POC1A: variants seen among roughly 807,000 people sequenced by gnomAD.
POC1A encodes POC1 centriolar protein A, also known as POC1 centriolar protein homolog A.
Under a neutral mutation model 47.8 loss-of-function variants are expected in POC1A, and 34 were observed. The ratio of observed to expected loss-of-function variants is 0.71; its 90% CI spans 0.54 to 0.95. The LOEUF is 0.95. Ranked by LOEUF, POC1A falls within the 40% of genes least tolerant of loss-of-function variation. POC1A has a pLI of 0.00. For missense variants in POC1A, 466 were observed against 528.3 expected (o/e 0.88, Z 1.16); for synonymous variants, 177 against 207.6 (o/e 0.85, Z 1.27).
At chr3:52,078,731 C>A (rs531337553) in intron 10 of POC1A, among the ~76,000 whole-genome samples, 1 of 152,266 alleles carries the variant, frequency 6.6e-6, no homozygotes, top group South Asian at 2.1e-4. Context: ...GATCTCCTGA[C>A]CTCGTGATCC....
chr3:52,113,720 AAAAAACAAAAC>A (rs1002433649), intron 9 of POC1A, among the ~76,000 whole-genome samples: 4 of 152,216 alleles, frequency 2.6e-5, no homozygotes, highest in African/African-American at 9.7e-5. Context: ...AAAACAAACA[AAAAAACAAAAC>A]AAAAACAAAA....
At chr3:52,114,906 G>A (rs372426392) in intron 9 of POC1A, among the ~76,000 whole-genome samples, 6 of 152,296 alleles carry the variant, frequency 3.9e-5, no homozygotes, top group African/African-American at 1.2e-4. Context: ...CATTCACACC[G>A]ATAAAAAGGA....
chr3:52,090,382 C>T lies in POC1A; in HGVS notation c.1125+6187G>A, dbSNP rs1007998265. ...CTTCTGAGGCAAAACCACCAAGCCG[C>T]GTGTTGGGCCTATGCCGGGCCCCCT... On this transcript the variant is annotated intron_variant, in intron 10 of 10. Transcript: ENST00000296484. This position sits in a 1 kb window ranked among gnomAD's most constrained non-coding sequence, Gnocchi z 4.2. 6.6e-6 allele frequency among the ~76,000 whole-genome samples: 1 copy of T among 152,246 alleles called. No homozygotes were observed. Among genetic ancestry groups the T allele is most frequent in the Non-Finnish European group, 1.5e-5 (1 of 68,046 alleles).
chr3:52,093,978 G>A (rs905575705), intron 10 of POC1A, among the ~76,000 whole-genome samples: 5 of 152,158 alleles, frequency 3.3e-5, no homozygotes, highest in Admixed American at 1.3e-4. Flanking sequence ...GCTACGGCCC[G>A]CTGCATCCCC....
chr3:52,109,024 C>G (rs920096777), intron 9 of POC1A, among the ~76,000 whole-genome samples: 1 of 152,140 alleles, frequency 6.6e-6, no homozygotes, highest in East Asian at 1.9e-4. Context: ...GTGGTGTGAG[C>G]CCAGACGCGC....
At chr3:52,133,096 G>A (rs1704295936) in intron 7 of POC1A, among the ~76,000 whole-genome samples, 1 of 152,128 alleles carries the variant, frequency 6.6e-6, no homozygotes, top group African/African-American at 2.4e-5. Context: ...ACAGTGTTGG[G>A]AGGTGTGGCC....
chr3:52,119,004 GT>G (rs10662992), intron 9 of POC1A, among the ~76,000 whole-genome samples: 50 of 146,658 alleles, frequency 3.4e-4, no homozygotes, highest in Admixed American at 1.6e-3. Context: ...AAGGCAAAAG[GT>G]TTTTTTTTTT....
chr3:52,099,988 C>T (rs1702941854), intron 9 of POC1A, among the ~76,000 whole-genome samples: 1 of 152,240 alleles, frequency 6.6e-6, no homozygotes, highest in South Asian at 2.1e-4. Context: ...AAAGGTGACT[C>T]TCAAGAGATG....
intron 7 of POC1A, among the ~76,000 whole-genome samples, chr3:52,126,159 G>A (rs77559399): frequency 0.018 from 2,814 of 152,290 alleles, 81 homozygotes; most frequent in Middle Eastern, 0.02. Context: ...AGTCCCCCCA[G>A]ACCAGTGCAG....
chr3:52,130,696 G>C (rs566286422), intron 7 of POC1A, among the ~76,000 whole-genome samples: 48 of 152,346 alleles, frequency 3.2e-4, no homozygotes, highest in African/African-American at 1.1e-3. Flanking sequence ...CTAGACAGGA[G>C]CTACAGAGCT....
At chr3:52,146,939 G>T in intron 5 of POC1A, 49 bp downstream of exon 5, 1 of 1,470,992 alleles carries the variant, frequency 6.8e-7, no homozygotes. Flanking sequence ...CCAGGTCTGT[G>T]CTCTGTGCTT....
At chr3:52,137,514 G>A (rs893980941) in intron 7 of POC1A, among the ~76,000 whole-genome samples, 1 of 152,068 alleles carries the variant, frequency 6.6e-6, no homozygotes. Flanking sequence ...AGGAGGGCTC[G>A]GACACTACTT....
intron 9 of POC1A, among the ~76,000 whole-genome samples, chr3:52,097,374 G>C (rs1253152630): frequency 1.5e-4 from 23 of 152,242 alleles, no homozygotes; most frequent in Admixed American, 1.5e-3. Flanking sequence ...GCACCCCTGG[G>C]CTGCTTCAGA....
chr3:52,077,812 A>G (rs1702164575), intron 10 of POC1A, among the ~76,000 whole-genome samples: 1 of 151,512 alleles, frequency 6.6e-6, no homozygotes, highest in Non-Finnish European at 1.5e-5. Flanking sequence ...TTTTCTTGAA[A>G]CTTTTCACAG....
intron 9 of POC1A, among the ~76,000 whole-genome samples, chr3:52,109,032 CG>C (rs1703288354): frequency 6.6e-6 from 1 of 152,204 alleles, no homozygotes; most frequent in African/African-American, 2.4e-5. Context: ...AGCCCAGACG[CG>C]CCCCCTTCCC....
At chr3:52,147,233 AT>A (rs900950248) in intron 4 of POC1A, 138 bp from the exon 5 acceptor site, 54,444 of 421,208 alleles carry the variant, frequency 0.13, no homozygotes, top group South Asian at 0.17. Flanking sequence ...CCCTGCTGTG[AT>A]TTTTTTTTTT....
chr3:52,120,949 C>G (rs539600641), intron 9 of POC1A, among the ~76,000 whole-genome samples: 1 of 152,252 alleles, frequency 6.6e-6, no homozygotes, highest in Non-Finnish European at 1.5e-5. Flanking sequence ...CACTCCCAAG[C>G]GGCAGATGTC....
At chr3:52,102,196 A>T (rs1703028170) in intron 9 of POC1A, among the ~76,000 whole-genome samples, 1 of 152,144 alleles carries the variant, frequency 6.6e-6, no homozygotes, top group Non-Finnish European at 1.5e-5. Context: ...ATTCTTGGCC[A>T]TTATCTTTTC....
At chr3:52,083,950 C>A (rs1463641808) in intron 10 of POC1A, among the ~76,000 whole-genome samples, 2 of 152,354 alleles carry the variant, frequency 1.3e-5, no homozygotes, top group African/African-American at 4.8e-5. Flanking sequence ...AGTGGTTGAG[C>A]AGGGAAGAGA....
Sources: gnomAD v4.1 joint callset for allele counts (sites outside exome capture counted in the v4.1 genomes callset) on GRCh38, gnomAD v4.1.1 for gene constraint, Gnocchi (gnomAD v3.1) non-coding constraint, MANE v1.5 for transcripts, NCBI Gene and HGNC (gene_info 2026-07-23, HGNC 2026-07-21) for gene names.